ATP2B2: variants seen among roughly 807,000 people sequenced by gnomAD.
ATP2B2 encodes plasma membrane calcium-transporting ATPase 2.
In ATP2B2, 15 loss-of-function variants were observed where a neutral mutation model predicts 120.0. The ratio of observed to expected loss-of-function variants is 0.12; its 90% CI spans 0.08 to 0.19. ATP2B2 has a LOEUF of 0.19. Among genes scored for constraint, ATP2B2 ranks in the 10% least tolerant of loss-of-function variants. The pLI is 1.00. For synonymous variants in ATP2B2, 694 were observed against 700.3 expected (o/e 0.99, Z 0.14); for missense variants, 1,045 against 1,719.8 (o/e 0.61, Z 6.94).
At chr3:10,520,498 TCTCATTCTGTCACCCAGG>T (rs1226961128) in intron 3 of ATP2B2, among the ~76,000 whole-genome samples, 2 of 152,072 alleles carry the variant, frequency 1.3e-5, no homozygotes, top group African/African-American at 2.4e-5. Flanking sequence ...TGAGACAGAG[TCTCATTCTGTCACCCAGG>T]CTGGAGTGCA....
intron 1 of ATP2B2, among the ~76,000 whole-genome samples, chr3:10,624,977 CTT>C (rs1390054858): frequency 1.3e-5 from 2 of 152,222 alleles, no homozygotes; most frequent in East Asian, 3.8e-4. Context: ...GAAAGCGGGC[CTT>C]TCTGTGTCCT....
intron 1 of ATP2B2, among the ~76,000 whole-genome samples, chr3:10,628,974 T>G (rs145676779): frequency 0.011 from 1,616 of 152,348 alleles, 27 homozygotes; most frequent in African/African-American, 0.037. Context: ...ATATCTATCG[T>G]TGGCTCATTA....
chr3:10,566,081 T>C (rs1486214700), intron 2 of ATP2B2, among the ~76,000 whole-genome samples: 1 of 151,204 alleles, frequency 6.6e-6, no homozygotes, highest in East Asian at 1.9e-4. Flanking sequence ...CACCCACCCC[T>C]CCTTCCACTG....
intron 3 of ATP2B2, among the ~76,000 whole-genome samples, chr3:10,407,336 G>A (rs1049977308): frequency 1.3e-5 from 2 of 152,230 alleles, no homozygotes; most frequent in East Asian, 1.9e-4. Context: ...GAAGCCGGTG[G>A]TGGAAGTCGT....
In ATP2B2 at chr3:10,346,557, G is replaced by A. The variant is rs1427605283; in HGVS notation, c.2405-420C>T. Among the ~76,000 whole-genome samples, 4 of 152,222 alleles carry A rather than the reference G, an allele frequency of 2.6e-5. No homozygotes were observed. Among genetic ancestry groups the A allele is most frequent in the Non-Finnish European group, 5.9e-5 (4 of 68,046 alleles). On this transcript the variant is annotated intron_variant, in intron 16 of 22. Coordinates refer to ENST00000360273, the MANE Select transcript of ATP2B2 (RefSeq NM_001001331.4). This position sits in a 1 kb window ranked among gnomAD's most constrained non-coding sequence, Gnocchi z 4.1. Reference sequence around the variant, plus strand: ...ACCACTAGCCAGCACTTTCTCCCTGGGGAGTCCAGGCTTGCTGAGGAGGCC... The same window carrying A: ...ACCACTAGCCAGCACTTTCTCCCTGAGGAGTCCAGGCTTGCTGAGGAGGCC...
At chr3:10,576,826 AG>A (rs2125553719) in intron 2 of ATP2B2, among the ~76,000 whole-genome samples, 2 of 152,160 alleles carry the variant, frequency 1.3e-5, no homozygotes, top group East Asian at 3.9e-4. Flanking sequence ...GCACTTTGGG[AG>A]GCCAAGGTGG....
chr3:10,398,297 A>G (rs1559284384), intron 5 of ATP2B2, among the ~76,000 whole-genome samples: 2 of 152,300 alleles, frequency 1.3e-5, no homozygotes, highest in Non-Finnish European at 2.9e-5. Flanking sequence ...CCTGCCCACA[A>G]GGACATCCTG....
intron 15 of ATP2B2, 68 bp downstream of exon 15, chr3:10,350,330 C>T: frequency 1.2e-6 from 2 of 1,606,568 alleles, no homozygotes; most frequent in South Asian, 1.1e-5. Context: ...TACAATCATG[C>T]AGCACCCTAC....
In ATP2B2 at chr3:10,667,321, G is replaced by A. The variant is rs1575606224; in HGVS notation, c.-460+40594C>T. ...GAGCAGTGGTGGGGAATTTCAGCCT[G>A]GGCCTCTCAGACACCACAATATTAT... On this transcript the variant is annotated intron_variant, in intron 1 of 21. Transcript: ENST00000646379. 2.6e-5 allele frequency among the ~76,000 whole-genome samples: 4 copies of A among 152,310 alleles called. 1 individual carries two copies. In the South Asian group the frequency reaches 8.3e-4, roughly 32 times the overall value.
chr3:10,394,416 C>T (rs1435066876), intron 5 of ATP2B2: 2 of 470,182 alleles, frequency 4.3e-6, no homozygotes, highest in Non-Finnish European at 8.8e-6. Context: ...CCTCCACCCA[C>T]CACTTTCTGG....
At chr3:10,659,872 T>G (rs1241967669) in intron 1 of ATP2B2, among the ~76,000 whole-genome samples, 18 of 138,256 alleles carry the variant, frequency 1.3e-4, no homozygotes, top group Middle Eastern at 3.4e-3. Context: ...AAATGTAAAA[T>G]AACAGAAATT....
At chr3:10,413,137 G>A (rs1256528915) in intron 2 of ATP2B2, among the ~76,000 whole-genome samples, 1 of 152,218 alleles carries the variant, frequency 6.6e-6, no homozygotes, top group Non-Finnish European at 1.5e-5. Context: ...CCCACTGTGG[G>A]CCTAGCCTGG....
intron 2 of ATP2B2, among the ~76,000 whole-genome samples, chr3:10,579,442 G>A (rs1245164355): frequency 1.3e-5 from 2 of 152,324 alleles, no homozygotes; most frequent in South Asian, 2.1e-4. Flanking sequence ...GGAGGCCAAG[G>A]CAGGCAGATC....
intron 12 of ATP2B2, among the ~76,000 whole-genome samples, chr3:10,367,857 G>A (rs2061111265): frequency 6.6e-6 from 1 of 152,350 alleles, no homozygotes; most frequent in African/African-American, 2.4e-5. Context: ...ATTGAGCCTA[G>A]CTAAGTAAAT....
chr3:10,550,263 G>A (rs1301511936), intron 2 of ATP2B2, among the ~76,000 whole-genome samples: 2 of 152,108 alleles, frequency 1.3e-5, no homozygotes, highest in Non-Finnish European at 2.9e-5. Flanking sequence ...AACCTAGAAC[G>A]GAAGTAAATA....
chr3:10,676,642 A>G (rs747486875), intron 1 of ATP2B2, among the ~76,000 whole-genome samples: 3 of 152,190 alleles, frequency 2.0e-5, no homozygotes, highest in South Asian at 2.1e-4. Context: ...TATTTCTCCA[A>G]TAAACAGAAT....
At chr3:10,465,881 G>A (rs993836538) in intron 1 of ATP2B2, among the ~76,000 whole-genome samples, 2 of 152,202 alleles carry the variant, frequency 1.3e-5, no homozygotes, top group African/African-American at 4.8e-5. Context: ...GGCCTGCACT[G>A]AGTTGGTCCC....
chr3:10,399,638 T>C (rs1407695711), intron 5 of ATP2B2, among the ~76,000 whole-genome samples: 1 of 152,222 alleles, frequency 6.6e-6, no homozygotes, highest in Non-Finnish European at 1.5e-5. Context: ...TTAACAATTG[T>C]TGGTTGAATA....
chr3:10,673,865 A>AAGC (rs1398882886), intron 1 of ATP2B2, among the ~76,000 whole-genome samples: 2 of 151,184 alleles, frequency 1.3e-5, no homozygotes, highest in East Asian at 3.9e-4. Context: ...AAGGAAGAGA[A>AAGC]AGCAAGCCTT....
Sources: gnomAD v4.1 joint callset for allele counts (sites outside exome capture counted in the v4.1 genomes callset) on GRCh38, gnomAD v4.1.1 for gene constraint, Gnocchi (gnomAD v3.1) non-coding constraint, MANE v1.5 for transcripts, NCBI Gene and HGNC (gene_info 2026-07-23, HGNC 2026-07-21) for gene names.